TMCO5A: variants seen among roughly 807,000 people sequenced by gnomAD.
TMCO5A encodes the protein transmembrane and coiled-coil domain-containing protein 5A.
A neutral mutation model predicts 42.3 loss-of-function variants in TMCO5A; 34 were observed. The observed-to-expected ratio is 0.80, with a 90% CI of 0.61 to 1.07. TMCO5A has a LOEUF of 1.07. TMCO5A is among the 50% of genes least tolerant of loss of function. The pLI, the probability that TMCO5A is intolerant of heterozygous loss-of-function variation, is 0.00. For synonymous variants in TMCO5A, 131 were observed against 115.6 expected, an observed-to-expected ratio of 1.13 and a Z score of -0.86; for missense variants, 357 against 327.9, an observed-to-expected ratio of 1.09 and a Z score of -0.69.
the TMCO5A span, among the ~76,000 whole-genome samples, chr15:38,038,614 C>G: frequency 6.6e-6 from 1 of 152,054 alleles, no homozygotes; most frequent in Admixed American, 6.6e-5. Flanking sequence ...ACCATGTTAA[C>G]CAGGAATGGT....
downstream of TMCO5A, among the ~76,000 whole-genome samples, chr15:37,968,446 G>T (rs976720472): frequency 1.3e-5 from 2 of 152,092 alleles, no homozygotes; most frequent in Non-Finnish European, 2.9e-5. Flanking sequence ...TCCTTTGAAG[G>T]TTCTGCATCT....
intron 6 of TMCO5A, among the ~76,000 whole-genome samples, chr15:37,940,871 T>G (rs1889710784): frequency 1.3e-5 from 2 of 152,126 alleles, no homozygotes; most frequent in African/African-American, 2.4e-5. Context: ...AAACTGGTAT[T>G]ATTTTTAAGA....
intron 5 of TMCO5A, among the ~76,000 whole-genome samples, chr15:37,937,857 T>C (rs2140257814): frequency 6.6e-6 from 1 of 152,236 alleles, no homozygotes; most frequent in Middle Eastern, 3.4e-3. Context: ...TACCCTACTC[T>C]CTGACCCATG....
chr15:37,946,184 G>A (rs1889945854), intron 10 of TMCO5A, among the ~76,000 whole-genome samples: 1 of 152,050 alleles, frequency 6.6e-6, no homozygotes, highest in Non-Finnish European at 1.5e-5. Flanking sequence ...TTGTAGGTGA[G>A]CAGTGTTATT....
the TMCO5A span, among the ~76,000 whole-genome samples, chr15:37,973,082 T>C: frequency 2.0e-5 from 3 of 152,168 alleles, no homozygotes; most frequent in Admixed American, 6.5e-5. Flanking sequence ...GATCAGACTA[T>C]TGTAGGTGTG....
At chr15:37,940,727 T>C (rs1475947992) in intron 6 of TMCO5A, among the ~76,000 whole-genome samples, 2 of 151,992 alleles carry the variant, frequency 1.3e-5, no homozygotes, top group Non-Finnish European at 2.9e-5. Context: ...GCAGCTGATA[T>C]AGAATGGTCT....
chr15:37,942,203 A>T lies in TMCO5A; in HGVS notation c.517A>T (p.Thr173Ser). 2 of 1,612,804 alleles carry T rather than the reference A, an allele frequency of 1.2e-6. No homozygotes were observed. The highest frequency in any genetic ancestry group is 8.5e-7 in the Non-Finnish European group (1 of 1,179,222). ...TTTCTCTTTGAAGAAGTACCAGGAAACGTTGAAGAAAATAGAAGAAGAACT... is the reference window on the plus strand; with the variant it reads ...TTTCTCTTTGAAGAAGTACCAGGAATCGTTGAAGAAAATAGAAGAAGAACT... Reference protein sequence around the residue: ...QALYIKKYQETLKKIEEELEA... With the variant: ...QALYIKKYQESLKKIEEELEA... The change falls in exon 9 of 12, where the codon ACG becomes TCG. Residue 173 changes from threonine (T) to serine (S), a missense_variant. Thr to Ser is a moderately conservative substitution (Grantham distance 58, BLOSUM62 1). Coordinates refer to ENST00000319669, the MANE Select transcript of TMCO5A (RefSeq NM_152453.4).
chr15:37,984,668 A>G, the TMCO5A span: 4 of 145,722 alleles, frequency 2.7e-5, no homozygotes, highest in African/African-American at 1.0e-4. Context: ...AAGAGGCTGC[A>G]GAGAACATTT....
chr15:37,969,695 T>C (rs1890637960), downstream of TMCO5A, among the ~76,000 whole-genome samples: 1 of 152,198 alleles, frequency 6.6e-6, no homozygotes, highest in South Asian at 2.1e-4. Flanking sequence ...TTTCAGTTCC[T>C]CTCCCTCCTC....
At chr15:38,003,144 TTGAG>T in the TMCO5A span, among the ~76,000 whole-genome samples, 1 of 152,174 alleles carries the variant, frequency 6.6e-6, no homozygotes, top group Non-Finnish European at 1.5e-5. Context: ...CCTTGATGTC[TTGAG>T]TGAGACCTGA....
the TMCO5A span, among the ~76,000 whole-genome samples, chr15:37,990,413 A>T: frequency 2.6e-5 from 4 of 152,212 alleles, no homozygotes; most frequent in East Asian, 7.7e-4. Context: ...TTTGCCAGAT[A>T]TTAGTATAGC....
chr15:37,989,359 GTTCT>G, the TMCO5A span, among the ~76,000 whole-genome samples: 1 of 151,688 alleles, frequency 6.6e-6, no homozygotes, highest in Admixed American at 6.6e-5. Context: ...GGTTCAGTGT[GTTCT>G]TTTTTTACTT....
downstream of TMCO5A, among the ~76,000 whole-genome samples, chr15:37,968,678 G>A (rs996495152): frequency 6.6e-6 from 1 of 151,190 alleles, no homozygotes; most frequent in African/African-American, 2.4e-5. Flanking sequence ...CACCGCCCAG[G>A]TTCAAATTAT....
At chr15:37,959,029 A>G (rs1890359608) in intron 11 of TMCO5A, among the ~76,000 whole-genome samples, 1 of 152,158 alleles carries the variant, frequency 6.6e-6, no homozygotes, top group African/African-American at 2.4e-5. Context: ...ACAGAACACC[A>G]AACACCATAT....
At chr15:37,957,535 G>A (rs997337154) in intron 11 of TMCO5A, among the ~76,000 whole-genome samples, 75 of 152,152 alleles carry the variant, frequency 4.9e-4, no homozygotes, top group Non-Finnish European at 3.5e-4. Context: ...ACTTACAAGG[G>A]ATGTGAAGGA....
At chr15:38,021,431 G>A in the TMCO5A span, among the ~76,000 whole-genome samples, 1 of 150,912 alleles carries the variant, frequency 6.6e-6, no homozygotes, top group Non-Finnish European at 1.5e-5. Context: ...CTATTCCCTG[G>A]GGACTTAATA....
intron 6 of TMCO5A, among the ~76,000 whole-genome samples, chr15:37,940,903 G>A (rs1216647873): frequency 6.6e-6 from 1 of 152,080 alleles, no homozygotes; most frequent in African/African-American, 2.4e-5. Flanking sequence ...GTAAGAGTAG[G>A]AAGCTCAGAA....
At chr15:37,959,200 G>A (rs1287308948) in intron 11 of TMCO5A, among the ~76,000 whole-genome samples, 3 of 151,948 alleles carry the variant, frequency 2.0e-5, no homozygotes, top group Non-Finnish European at 2.9e-5. Flanking sequence ...AACCACCATG[G>A]CACGTGTATA....
the TMCO5A span, among the ~76,000 whole-genome samples, chr15:37,977,581 T>C: frequency 2.0e-5 from 3 of 152,320 alleles, no homozygotes; most frequent in East Asian, 5.8e-4. Flanking sequence ...TCCTCTGTAT[T>C]TCCTTGTGTT....
Sources: allele counts gnomAD v4.1 joint callset (sites outside exome capture counted in the v4.1 genomes callset), GRCh38; gene constraint gnomAD v4.1.1; transcripts MANE v1.5; gene names NCBI Gene and HGNC (gene_info 2026-07-23, HGNC 2026-07-21).